TMTC1: variants seen among roughly 807,000 people sequenced by gnomAD.
TMTC1 encodes the protein transmembrane O-mannosyltransferase targeting cadherins 1, also known as protein O-mannosyl-transferase TMTC1.
Under a neutral mutation model 104.8 loss-of-function variants are expected in TMTC1, and 73 were observed. The ratio of observed to expected loss-of-function variants is 0.70; its 90% confidence interval spans 0.58 to 0.85. The LOEUF (loss-of-function observed/expected upper bound fraction) is 0.85, where lower values mean the gene tolerates loss of function less well. Among genes scored for constraint, TMTC1 ranks in the 40% least tolerant of loss-of-function variants. The pLI, the probability that TMTC1 is intolerant of heterozygous loss-of-function variation, is 0.00. For synonymous variants in TMTC1, 434 were observed against 428.7 expected, an observed-to-expected ratio of 1.01 and a Z score of -0.15; for missense variants, 1,035 against 1,096.1, an observed-to-expected ratio of 0.94 and a Z score of 0.79.
In TMTC1 at chr12:29,755,717, T is replaced by C. The variant is rs551420732; in HGVS notation, c.723A>G (p.Gln241=). 6 of 1,613,418 alleles carry C rather than the reference T, an allele frequency of 3.7e-6. No homozygotes were observed. The African/African-American group carries it at 8.0e-5, about 22-fold the overall frequency. The change falls in exon 4 of 18, where the codon CAA becomes CAG. Residue 241 remains glutamine (Q), a synonymous_variant. Transcript: ENST00000539277. ...ACTGTAAAATGACTTACGACTTGTCTTGCTTGTTGGAAAGGGAAAAGAGGT... is the reference window on the plus strand; with the variant it reads ...ACTGTAAAATGACTTACGACTTGTCCTGCTTGTTGGAAAGGGAAAAGAGGT... ...VYDLFSLSNK[Q]DKSSNGALCP...
intron 5 of TMTC1, among the ~76,000 whole-genome samples, chr12:29,652,292 A>T (rs79002694): frequency 0.038 from 5,784 of 152,298 alleles, 160 homozygotes; most frequent in Admixed American, 0.066. Flanking sequence ...CGTGGGAAAG[A>T]ATTTAAGCCA....
chr12:29,738,040 A>C (rs1451250456), intron 5 of TMTC1, among the ~76,000 whole-genome samples: 1 of 152,160 alleles, frequency 6.6e-6, no homozygotes, highest in Non-Finnish European at 1.5e-5. Flanking sequence ...CTATCTTCAG[A>C]TTAGGGTACA....
At chr12:29,744,472 T>C (rs1942902040) in intron 5 of TMTC1, among the ~76,000 whole-genome samples, 1 of 152,244 alleles carries the variant, frequency 6.6e-6, no homozygotes, top group South Asian at 2.1e-4. Context: ...GTGATTTATT[T>C]AGAAGAAGCT....
intron 2 of TMTC1, among the ~76,000 whole-genome samples, chr12:29,762,809 G>T (rs762155375): frequency 1.3e-5 from 2 of 152,240 alleles, no homozygotes; most frequent in Non-Finnish European, 1.5e-5. Flanking sequence ...TCGCCACAAT[G>T]TCAAGGTTCA....
intron 7 of TMTC1, among the ~76,000 whole-genome samples, chr12:29,599,444 A>G (rs1206409366): frequency 2.0e-5 from 3 of 152,332 alleles, no homozygotes; most frequent in Non-Finnish European, 4.4e-5. Context: ...CACAGATTTC[A>G]AAGTGCAAAT....
chr12:29,732,527 C>T (rs901476265), intron 5 of TMTC1, among the ~76,000 whole-genome samples: 1 of 152,166 alleles, frequency 6.6e-6, no homozygotes, highest in African/African-American at 2.4e-5. Context: ...CAGAGAAATC[C>T]CATTGTAGAC....
chr12:29,563,682 C>T (rs901472321), intron 9 of TMTC1, among the ~76,000 whole-genome samples: 3 of 152,164 alleles, frequency 2.0e-5, no homozygotes, highest in Non-Finnish European at 4.4e-5. Context: ...TCCTCTGACT[C>T]TAAGAGCCCT....
intron 5 of TMTC1, among the ~76,000 whole-genome samples, chr12:29,697,886 A>G (rs12319844): frequency 0.056 from 8,531 of 152,236 alleles, 330 homozygotes; most frequent in African/African-American, 0.11. Context: ...CCAACCAAAA[A>G]AAGAAGAAGA....
intron 7 of TMTC1, among the ~76,000 whole-genome samples, chr12:29,587,493 C>T (rs1012973707): frequency 2.0e-5 from 3 of 152,018 alleles, no homozygotes; most frequent in African/African-American, 7.3e-5. Flanking sequence ...CCACTACACC[C>T]AACTAATTTT....
intron 5 of TMTC1, among the ~76,000 whole-genome samples, chr12:29,664,173 C>A (rs868699543): frequency 2.9e-4 from 42 of 146,410 alleles, no homozygotes; most frequent in Admixed American, 1.8e-3. Context: ...GGCGACAGAG[C>A]GAGACTCCGT....
intron 5 of TMTC1, chr12:29,660,919 T>C: frequency 2.2e-6 from 3 of 1,344,598 alleles, no homozygotes; most frequent in Non-Finnish European, 2.0e-6. Flanking sequence ...CTTAGATAAG[T>C]GTGTCTACCA....
chr12:29,594,631 G>T (rs1257802960), intron 7 of TMTC1, among the ~76,000 whole-genome samples: 5 of 152,298 alleles, frequency 3.3e-5, no homozygotes, highest in African/African-American at 7.2e-5. Context: ...AGGAAAGAAA[G>T]AAATTCACCA....
intron 5 of TMTC1, among the ~76,000 whole-genome samples, chr12:29,750,673 A>T (rs1943068519): frequency 6.6e-6 from 1 of 152,234 alleles, no homozygotes. Context: ...CAGCAATCTG[A>T]AGTGGTAAAG....
chr12:29,613,335 G>A (rs959586014), intron 6 of TMTC1, among the ~76,000 whole-genome samples: 1 of 152,226 alleles, frequency 6.6e-6, no homozygotes, highest in African/African-American at 2.4e-5. Flanking sequence ...CACTAGATGG[G>A]TGCCTGTGAG....
chr12:29,516,256 C>G, intron 15 of TMTC1, 93 bp downstream of exon 15: 1 of 1,454,810 alleles, frequency 6.9e-7, no homozygotes, highest in Non-Finnish European at 9.2e-7. Context: ...TAAGATTTCC[C>G]AGGCTTATAA....
chr12:29,706,626 C>T (rs2136820579), intron 5 of TMTC1, among the ~76,000 whole-genome samples: 1 of 152,286 alleles, frequency 6.6e-6, no homozygotes, highest in South Asian at 2.1e-4. Flanking sequence ...GGTGCAGATG[C>T]TTTCATCTGG....
chr12:29,589,202 T>C (rs906080041), intron 7 of TMTC1, among the ~76,000 whole-genome samples: 1 of 152,194 alleles, frequency 6.6e-6, no homozygotes, highest in Non-Finnish European at 1.5e-5. Context: ...TGACCATACA[T>C]TCCCATTTTT....
intron 8 of TMTC1, among the ~76,000 whole-genome samples, chr12:29,580,927 G>A (rs1019357600): frequency 6.6e-6 from 1 of 152,150 alleles, no homozygotes; most frequent in Admixed American, 6.5e-5. Flanking sequence ...AGAACACACT[G>A]CACAGTAATA....
intron 5 of TMTC1, among the ~76,000 whole-genome samples, chr12:29,714,197 G>T (rs1942014023): frequency 6.6e-6 from 1 of 152,184 alleles, no homozygotes; most frequent in Non-Finnish European, 1.5e-5. Flanking sequence ...TAGTTTGTCA[G>T]CAAAATCTTT....
Sources: allele counts gnomAD v4.1 joint callset (sites outside exome capture counted in the v4.1 genomes callset), GRCh38; gene constraint gnomAD v4.1.1; transcripts MANE v1.5; gene names NCBI Gene and HGNC (gene_info 2026-07-23, HGNC 2026-07-21).